The following SHPK variants were observed in gnomAD, a reference collection of about 807,000 sequenced individuals.
SHPK encodes the protein carbohydrate kinase-like protein.
In SHPK, 51 loss-of-function variants were observed where a neutral mutation model predicts 46.3. That is an observed-to-expected ratio of 1.10 (90% CI 0.88 to 1.39). The LOEUF (loss-of-function observed/expected upper bound fraction) is 1.39. Ranked by LOEUF, SHPK falls within the 40% of genes most tolerant of loss-of-function variation. The pLI is 0.00. For missense variants in SHPK, 668 were observed against 641.3 expected (o/e 1.04, Z -0.45); for synonymous variants, 290 against 273.9 (o/e 1.06, Z -0.58).
rs142157783 is a variant in SHPK, at chr17:3,626,712, A to T, written c.311-2481T>A. ...ACTCCAGCTTGGGCAACACAGCAAGACTCCATCTCAAAAAAAAAAAAAAAA... is the reference window on the plus strand; with the variant it reads ...ACTCCAGCTTGGGCAACACAGCAAGTCTCCATCTCAAAAAAAAAAAAAAAA... On this transcript the variant is annotated intron_variant, in intron 2 of 6. Transcript: ENST00000225519. Among the ~76,000 whole-genome samples the T allele has an allele frequency of 9.6e-4, 118 of 122,856 alleles. 1 individual carries two copies. The East Asian group carries it at 0.023, about 24-fold the overall frequency. The allele number at this position is 122,856 out of a possible 152,430, so 80.6% of individuals were successfully genotyped here.
At chr17:3,619,081 T>C (rs2075384841) in intron 5 of SHPK, among the ~76,000 whole-genome samples, 1 of 152,196 alleles carries the variant, frequency 6.6e-6, no homozygotes, top group African/African-American at 2.4e-5. Context: ...GCACTGATTT[T>C]ACAAAACATA....
intron 6 of SHPK, among the ~76,000 whole-genome samples, chr17:3,612,300 C>G (rs1329886694): frequency 6.6e-6 from 1 of 151,838 alleles, no homozygotes; most frequent in Non-Finnish European, 1.5e-5. Flanking sequence ...GCAGTGTGTG[C>G]CTGTAGTCCC....
chr17:3,615,574 G>A, intron 5 of SHPK, 37 bp from the exon 6 acceptor site: 1 of 1,591,108 alleles, frequency 6.3e-7, no homozygotes. Context: ...GGCCTGTCGG[G>A]CTAACTCAGA....
intron 4 of SHPK, 96 bp downstream of exon 4, chr17:3,623,243 C>T: frequency 1.4e-6 from 2 of 1,401,478 alleles, no homozygotes; most frequent in Non-Finnish European, 2.0e-6. Flanking sequence ...AACCCTCCAC[C>T]ACTCCCAGAT....
Position 3,632,695 on chromosome 17 carries a change from G to A in SHPK, c.169-2349C>T, listed in dbSNP as rs540949849. Among the ~76,000 whole-genome samples the A allele has an allele frequency of 5.3e-5, 8 of 152,170 alleles. No individual in the cohort carries two copies. The South Asian group carries it at 6.2e-4, about 12-fold the overall frequency. ...ATATCAGTTGGTCTACATCCACGTC[G>A]AATCCTCGCGCTTTAGACTTGCACA... On this transcript the variant is annotated intron_variant, in intron 1 of 6. Coordinates refer to ENST00000225519, the MANE Select transcript of SHPK (RefSeq NM_013276.4).
intron 2 of SHPK, among the ~76,000 whole-genome samples, chr17:3,625,477 G>A (rs187842131): frequency 4.7e-4 from 71 of 152,270 alleles, no homozygotes; most frequent in Non-Finnish European, 8.1e-4. Context: ...CCATGCTGAG[G>A]AGACCACGGG....
rs775173554 is a variant in SHPK at position 3,623,494 on chromosome 17, G to A, written c.495-3C>T. The A allele has an allele frequency of 8.7e-6, 14 of 1,613,776 alleles. No individual in the cohort carries two copies. The Admixed American group carries it at 1.8e-4, about 21-fold the overall frequency. ...CGTAGGACTTCAGGAACTCTGGGCT[G>A]TTTTTCATACCAAAAACAACCAACA... On this transcript the variant is annotated splice_polypyrimidine_tract_variant and splice_region_variant and intron_variant, in intron 3 of 6. Transcript: ENST00000225519.
intron 2 of SHPK, among the ~76,000 whole-genome samples, 197 bp from the exon 3 acceptor site, chr17:3,624,428 G>A (rs1379175356): frequency 3.3e-5 from 5 of 152,012 alleles, no homozygotes; most frequent in African/African-American, 7.2e-5. Flanking sequence ...CCCTGGGCAC[G>A]TCACATACTC....
chr17:3,635,490 C>G (rs375356029), intron 1 of SHPK, among the ~76,000 whole-genome samples: 4 of 152,300 alleles, frequency 2.6e-5, no homozygotes. Context: ...CCGCCTCGGC[C>G]TCCCAAAGCG....
chr17:3,613,837 G>A (rs951694233), intron 6 of SHPK, among the ~76,000 whole-genome samples: 8 of 152,036 alleles, frequency 5.3e-5, no homozygotes, highest in Non-Finnish European at 8.8e-5. Flanking sequence ...TGGGATTACA[G>A]CCACGTGCCA....
rs774665038 is a variant in SHPK, at chr17:3,610,537, C to T, written c.*23G>A. ...TTAATCAGGTAAAATTCACAGCAGT[C>T]GTTTGGCGAAAGAGTTTGCTGTCTA... On this transcript the variant is annotated 3_prime_UTR_variant, in exon 7 of 7. Transcript: ENST00000225519. 7 of 1,573,914 alleles carry T rather than the reference C, an allele frequency of 4.4e-6. No homozygotes were observed. In the Admixed American group the frequency reaches 6.9e-5, roughly 16 times the overall value.
chr17:3,623,903 G>A (rs1312318546), intron 3 of SHPK, 145 bp downstream of exon 3: 7 of 768,684 alleles, frequency 9.1e-6, no homozygotes, highest in African/African-American at 1.7e-5. Context: ...GGACCCAATC[G>A]AGGTCCAGGC....
At chr17:3,634,741 T>A (rs1284223787) in intron 1 of SHPK, among the ~76,000 whole-genome samples, 1 of 152,072 alleles carries the variant, frequency 6.6e-6, no homozygotes, top group Admixed American at 6.6e-5. Flanking sequence ...TGCCCTAATG[T>A]CCCAACCAAA....
In SHPK at chr17:3,621,107, T is replaced by C. The variant is rs925485163; in HGVS notation, c.823+130A>G. ...CAAGGACAAGGGTGCTTTTCATCTT[T>C]ACAGAATAATGATCTCCAGCAGGAT... is the stretch of plus-strand genomic sequence containing the variant. On this transcript the variant is annotated intron_variant, in intron 5 of 6. Transcript: ENST00000225519. 5.0e-5 allele frequency: 40 copies of C among 795,354 alleles called. No individual in the cohort carries two copies. In the African/African-American group the frequency reaches 7.1e-4, roughly 14 times the overall value. The allele number at this position is 795,354 out of a possible 1,614,324, so 49.3% of individuals were successfully genotyped here.
chr17:3,621,222 A>G lies in SHPK; in HGVS notation c.823+15T>C. On this transcript the variant is annotated intron_variant, in intron 5 of 6. Transcript: ENST00000225519. ...GACAGTGTAAGTCTGAGGACAGAAC[A>G]AAAGAAAAACTTACCTGCATCTGTC... The G allele has an allele frequency of 6.3e-7, 1 of 1,590,298 alleles. No individual in the cohort carries two copies. The highest frequency in any genetic ancestry group is 8.6e-7 in the Non-Finnish European group (1 of 1,168,258).
At chr17:3,633,410 G>A (rs1409591427) in intron 1 of SHPK, among the ~76,000 whole-genome samples, 1 of 150,922 alleles carries the variant, frequency 6.6e-6, no homozygotes. Flanking sequence ...GCATCTAGTG[G>A]GCCAGAGATG....
chr17:3,617,813 CA>C (rs996217849), intron 5 of SHPK, among the ~76,000 whole-genome samples: 4 of 150,270 alleles, frequency 2.7e-5, no homozygotes, highest in Admixed American at 2.0e-4. Flanking sequence ...ACCCCAAAGT[CA>C]AAAAAAAATT....
At chr17:3,619,838 T>C (rs2075389715) in intron 5 of SHPK, 1 of 407,868 alleles carries the variant, frequency 2.5e-6, no homozygotes, top group South Asian at 2.1e-5. Context: ...GCTTGGTTCC[T>C]CTCCTCTGCT....
In SHPK at chr17:3,610,606, G is replaced by A. The variant is rs1303696432; in HGVS notation, c.1391C>T (p.Ala464Val). ...GTGTCTCCGGAGCATGACCAGAGCT[G>A]CCCCGACAGCTGCATCCACATCCTG... ...FGQDVDAAVG[A>V]ALVMLRRHLN... Residue 464 changes from alanine to valine, a missense_variant, in exon 7 of 7, where the codon GCA (alanine) becomes GTA (valine). Ala to Val is a moderately conservative substitution (Grantham distance 64). Transcript: ENST00000225519. The A allele has an allele frequency of 6.2e-7, 1 of 1,613,412 alleles. No individual in the cohort carries two copies. Among genetic ancestry groups the A allele is most frequent in the Non-Finnish European group, 8.5e-7 (1 of 1,179,638 alleles).
Sources: gnomAD v4.1 joint callset for allele counts (sites outside exome capture counted in the v4.1 genomes callset) on GRCh38, gnomAD v4.1.1 for gene constraint, MANE v1.5 for transcripts, NCBI Gene and HGNC (gene_info 2026-07-23, HGNC 2026-07-21) for gene names.